Variants in PC observed in about 807,000 individuals in gnomAD.
PC encodes pyruvate carboxylase, mitochondrial.
PC carries 46 observed loss-of-function variants against 107.8 expected under a neutral mutation model. The observed-to-expected ratio is 0.43, with a 90% CI of 0.34 to 0.55. PC has a LOEUF of 0.55. Among genes scored for constraint, PC ranks in the 20% least tolerant of loss-of-function variants. PC has a pLI of 0.04. For missense variants in PC, 1,241 were observed against 1,643.1 expected (o/e 0.76, Z 4.23); for synonymous variants, 662 against 684.7 (o/e 0.97, Z 0.52).
chr11:66,850,576 A>G (rs1051147283), intron 18 of PC, 98 bp downstream of exon 18: 1 of 1,603,556 alleles, frequency 6.2e-7, no homozygotes, highest in East Asian at 2.2e-5. Flanking sequence ...GCAAGGCCAG[A>G]GCAGGGCATC....
chr11:66,876,045 C>T (rs1043425977), intron 3 of PC, among the ~76,000 whole-genome samples: 9 of 152,156 alleles, frequency 5.9e-5, no homozygotes, highest in African/African-American at 1.9e-4. Flanking sequence ...GAGACAAAGA[C>T]GCAAGAACGG....
chr11:66,877,147 A>G (rs1286466217), intron 3 of PC, among the ~76,000 whole-genome samples: 3 of 152,174 alleles, frequency 2.0e-5, no homozygotes, highest in Non-Finnish European at 4.4e-5. Context: ...GCACTTTGGG[A>G]CGCTGAGACA....
At chr11:66,886,498 G>A (rs1947366675) in intron 3 of PC, among the ~76,000 whole-genome samples, 1 of 152,060 alleles carries the variant, frequency 6.6e-6, no homozygotes, top group Non-Finnish European at 1.5e-5. Context: ...GATTTGAGAA[G>A]GAAAGATGAG....
chr11:66,902,688 C>A (rs1157765726), intron 3 of PC, among the ~76,000 whole-genome samples: 1 of 152,160 alleles, frequency 6.6e-6, no homozygotes, highest in African/African-American at 2.4e-5. Context: ...CCTGGCCACT[C>A]CCGGGCCTGT....
At chr11:66,948,032 T>C (rs972432281) in intron 3 of PC, among the ~76,000 whole-genome samples, 8 of 145,448 alleles carry the variant, frequency 5.5e-5, no homozygotes, top group Non-Finnish European at 9.0e-5. Flanking sequence ...GATAGATAGA[T>C]AGATAGATAG....
At position 66,850,782 on chromosome 11, in the gene PC, C is replaced by G. The variant is rs1945435067; in HGVS notation, c.2365G>C (p.Ala789Pro). Residue 789 changes from alanine to proline, a missense_variant, in exon 18 of 23, where the codon GCT (alanine) becomes CCT (proline). Physicochemically the swap from Ala to Pro is conservative, Grantham distance 27. Coordinates refer to ENST00000393960, the MANE Select transcript of PC (RefSeq NM_001040716.2). The stretch of plus-strand genomic sequence containing the variant: ...GCCACATCCACCACATCAGCTCCAG[C>G]CTGGGCACAGGCCAGCATGGCTGCC... ...GVAAMLACAQ[A>P]GADVVDVAAD... 6.2e-7 allele frequency: 1 copy of G among 1,611,498 alleles called. No individual in the cohort carries two copies.
intron 11 of PC, among the ~76,000 whole-genome samples, chr11:66,864,542 C>A (rs1477183750): frequency 6.6e-6 from 1 of 152,242 alleles, no homozygotes; most frequent in Non-Finnish European, 1.5e-5. Flanking sequence ...CCTTCCTTTC[C>A]TTTCCTTTCC....
intron 3 of PC, among the ~76,000 whole-genome samples, chr11:66,943,393 G>A (rs957905039): frequency 1.3e-5 from 2 of 152,036 alleles, no homozygotes; most frequent in African/African-American, 2.4e-5. Context: ...ACCAGATACC[G>A]AATCTGCTGC....
intron 3 of PC, among the ~76,000 whole-genome samples, chr11:66,897,648 C>A (rs1403933199): frequency 1.3e-5 from 2 of 152,124 alleles, no homozygotes; most frequent in African/African-American, 4.8e-5. Context: ...ACTTCATTGC[C>A]CCCTCCCTGA....
rs559845633 is a variant in PC, at chr11:66,929,685, T to C, written c.-1+22745A>G. On this transcript the variant is annotated intron_variant, in intron 3 of 22. Transcript: ENST00000393960. ...CCTGGCCTTCTTTTTATTTTTTACATATTTTTTTGAAACAGAGATGGAGGT... is the reference window on the plus strand; with the variant it reads ...CCTGGCCTTCTTTTTATTTTTTACACATTTTTTTGAAACAGAGATGGAGGT... 2.0e-5 allele frequency among the ~76,000 whole-genome samples: 3 copies of C among 152,096 alleles called. No individual in the cohort carries two copies. In the South Asian group the frequency reaches 6.3e-4, roughly 32 times the overall value.
chr11:66,943,374 C>T (rs1390895038), intron 3 of PC, among the ~76,000 whole-genome samples: 1 of 152,088 alleles, frequency 6.6e-6, no homozygotes, highest in Admixed American at 6.6e-5. Flanking sequence ...TTGTGAGGAA[C>T]AAGCCCTCAC....
intron 3 of PC, among the ~76,000 whole-genome samples, chr11:66,937,966 C>T (rs777494210): frequency 4.6e-5 from 7 of 151,912 alleles, no homozygotes; most frequent in African/African-American, 1.5e-4. Context: ...TTAGTAGAGA[C>T]GGGGTTTCAC....
chr11:66,948,873 G>A (rs1033389363), intron 3 of PC, among the ~76,000 whole-genome samples: 4 of 151,496 alleles, frequency 2.6e-5, no homozygotes, highest in South Asian at 2.1e-4. Flanking sequence ...AACATAAAAC[G>A]GTATAGGAAA....
rs1215571613 is a variant in PC, at chr11:66,871,099, C to T, written c.586G>A (p.Ala196Thr). The T allele has an allele frequency of 6.2e-7, 1 of 1,613,954 alleles. No homozygotes were observed. The highest frequency in any genetic ancestry group is 1.1e-5 in the South Asian group (1 of 91,006). ...TYGFPIIFKA[A>T]YGGGGRGMRV... ...ATGCCACGCCCTCCACCCCCATAGG[C>T]CGCCTTGAAGATGATGGGGAAGCCG... Residue 196 changes from alanine to threonine, a missense_variant, in exon 7 of 23, where the codon GCC becomes ACC. Ala to Thr is a moderately conservative substitution (Grantham distance 58). Coordinates refer to ENST00000393960, the MANE Select transcript of PC (RefSeq NM_001040716.2). This position sits in a 1 kb window ranked among gnomAD's most constrained non-coding sequence, Gnocchi z 7.4.
At chr11:66,928,493 CA>C (rs879533071) in intron 3 of PC, among the ~76,000 whole-genome samples, 97 of 141,728 alleles carry the variant, frequency 6.8e-4, no homozygotes, top group African/African-American at 7.2e-4. Context: ...CCTAGTAGTG[CA>C]AAAAAAAAAA....
chr11:66,848,890 G>A lies in PC; in HGVS notation c.*9C>T, dbSNP rs780492272. On this transcript the variant is annotated 3_prime_UTR_variant, in exon 23 of 23. Transcript: ENST00000393960. ...TTGGGGATGGCCAGGCTGCCGGTCT[G>A]GGGCAAGATCACTCGATCTCCAGGA... is the stretch of plus-strand genomic sequence containing the variant. 4 of 1,613,682 alleles carry A rather than the reference G, an allele frequency of 2.5e-6. No individual in the cohort carries two copies. In the South Asian group the frequency reaches 3.3e-5, roughly 13 times the overall value.
At chr11:66,880,821 T>C (rs527290584) in intron 3 of PC, among the ~76,000 whole-genome samples, 13 of 152,312 alleles carry the variant, frequency 8.5e-5, no homozygotes, top group Admixed American at 7.8e-4. Flanking sequence ...CACCCTGCTT[T>C]TGGGTATTTG....
intron 9 of PC, among the ~76,000 whole-genome samples, chr11:66,869,560 T>C (rs2135932194): frequency 6.6e-6 from 1 of 152,280 alleles, no homozygotes; most frequent in Admixed American, 6.5e-5. Context: ...TGAAATAGTA[T>C]AAGCCAGTAA....
intron 3 of PC, among the ~76,000 whole-genome samples, chr11:66,882,382 G>C (rs1947216132): frequency 1.3e-5 from 2 of 152,238 alleles, no homozygotes; most frequent in South Asian, 4.1e-4. Flanking sequence ...GCCTCAGAGG[G>C]CAGCAGTGGG....
Sources: allele counts gnomAD v4.1 joint callset (sites outside exome capture counted in the v4.1 genomes callset), GRCh38; gene constraint gnomAD v4.1.1; non-coding constraint Gnocchi (gnomAD v3.1); transcripts MANE v1.5; gene names NCBI Gene and HGNC (gene_info 2026-07-23, HGNC 2026-07-21).